The following WWOX variants were observed in gnomAD, a reference collection of about 807,000 sequenced individuals.
WWOX encodes the protein WW domain containing oxidoreductase.
In WWOX, 69 loss-of-function variants were observed where a neutral mutation model predicts 46.2. That is an observed-to-expected ratio of 1.49 (90% confidence interval 1.23 to 1.82). The LOEUF is 1.82. Ranked by LOEUF, WWOX falls within the 40% of genes most tolerant of loss-of-function variation. The pLI is 0.00. For missense variants in WWOX, 919 were observed against 542.6 expected, an observed-to-expected ratio of 1.69 and a Z score of -6.89; for synonymous variants, 359 against 202.6, an observed-to-expected ratio of 1.77 and a Z score of -6.56.
intron 8 of WWOX, among the ~76,000 whole-genome samples, chr16:78,564,596 T>C (rs1221247155): frequency 6.6e-6 from 1 of 152,160 alleles, no homozygotes; most frequent in East Asian, 1.9e-4. Flanking sequence ...AGATCATTTC[T>C]CCTAAGCAAT....
rs143106754 is a variant in WWOX, at chr16:78,999,188, C to T, written c.1057-212420C>T. Among the ~76,000 whole-genome samples, 1,310 of 151,496 alleles carry T rather than the reference C, an allele frequency of 8.6e-3. 21 individuals are homozygous for T. Among genetic ancestry groups the T allele is most frequent in the African/African-American group, 0.03 (1,226 of 41,278 alleles). The stretch of plus-strand genomic sequence containing the variant: ...TGGATTCTTCTAAGGATGGCTGCAT[C>T]AGCCAGGGGCAGCGGGTCATACCTG... On this transcript the variant is annotated intron_variant, in intron 8 of 8. Coordinates refer to ENST00000566780, the MANE Select transcript of WWOX (RefSeq NM_016373.4).
intron 8 of WWOX, among the ~76,000 whole-genome samples, chr16:78,758,529 G>A (rs529410877): frequency 1.3e-5 from 2 of 152,216 alleles, no homozygotes; most frequent in African/African-American, 4.8e-5. Context: ...TGCCAGTGTC[G>A]TAACGCCACT....
intron 8 of WWOX, among the ~76,000 whole-genome samples, chr16:78,454,303 C>G (rs2083759816): frequency 1.3e-5 from 2 of 152,018 alleles, no homozygotes; most frequent in Non-Finnish European, 2.9e-5. Flanking sequence ...CTTTTTTGGA[C>G]CACTATCTAA....
intron 8 of WWOX, among the ~76,000 whole-genome samples, chr16:78,900,467 C>G (rs886091082): frequency 1.3e-5 from 2 of 152,168 alleles, no homozygotes; most frequent in African/African-American, 4.8e-5. Context: ...ATTCATGAAA[C>G]AGTGAAGATC....
At chr16:78,453,091 G>T (rs1567582219) in intron 8 of WWOX, among the ~76,000 whole-genome samples, 2 of 151,956 alleles carry the variant, frequency 1.3e-5, no homozygotes, top group African/African-American at 4.8e-5. Flanking sequence ...ATGTTGGCCA[G>T]GCTGCAGCTA....
At chr16:78,991,599 T>TGAAAAAAA (rs2046887998) in intron 8 of WWOX, among the ~76,000 whole-genome samples, 1 of 4,842 alleles carries the variant, frequency 2.1e-4, no homozygotes, top group Non-Finnish European at 5.4e-4. Flanking sequence ...AGACCTTGTC[T>TGAAAAAAA]CAAAAAAAAA....
At chr16:79,107,095 G>A (rs1212522330) in intron 8 of WWOX, among the ~76,000 whole-genome samples, 4 of 151,948 alleles carry the variant, frequency 2.6e-5, no homozygotes, top group African/African-American at 4.8e-5. Context: ...ACAGGCATGG[G>A]CCACCGCTCC....
At chr16:78,593,838 G>A (rs1346620047) in intron 8 of WWOX, among the ~76,000 whole-genome samples, 5 of 152,078 alleles carry the variant, frequency 3.3e-5, no homozygotes, top group African/African-American at 9.7e-5. Context: ...GGACATACGA[G>A]GAGTCCCTGG....
At chr16:78,609,285 T>C (rs1301531666) in intron 8 of WWOX, among the ~76,000 whole-genome samples, 1 of 152,204 alleles carries the variant, frequency 6.6e-6, no homozygotes, top group Non-Finnish European at 1.5e-5. Flanking sequence ...GTTCTGGTTT[T>C]TGTTTTTTAA....
chr16:79,168,081 A>G (rs9972757), intron 8 of WWOX, among the ~76,000 whole-genome samples: 6,054 of 152,242 alleles, frequency 0.04, 416 homozygotes, highest in African/African-American at 0.14. Flanking sequence ...TTATGGCTGC[A>G]TAGTATTCCA....
intron 8 of WWOX, among the ~76,000 whole-genome samples, chr16:79,173,595 T>C (rs1435425763): frequency 6.6e-6 from 1 of 151,154 alleles, no homozygotes; most frequent in Non-Finnish European, 1.5e-5. Flanking sequence ...CCACTGGAAA[T>C]AACTATTTCC....
chr16:78,302,972 C>T (rs1284091107), intron 5 of WWOX, among the ~76,000 whole-genome samples: 1 of 152,160 alleles, frequency 6.6e-6, no homozygotes, highest in Non-Finnish European at 1.5e-5. Flanking sequence ...ATCATCAGAC[C>T]CAGAGCCTTT....
intron 5 of WWOX, among the ~76,000 whole-genome samples, chr16:78,276,606 G>A (rs1315834030): frequency 6.6e-6 from 1 of 152,178 alleles, no homozygotes; most frequent in Non-Finnish European, 1.5e-5. Flanking sequence ...AATAAACTCT[G>A]GCTCTGCAGC....
At chr16:79,155,282 A>G (rs2150739213) in intron 8 of WWOX, among the ~76,000 whole-genome samples, 1 of 152,238 alleles carries the variant, frequency 6.6e-6, no homozygotes, top group South Asian at 2.1e-4. Flanking sequence ...AGGCCGAGGC[A>G]GGAGAATCAC....
chr16:79,192,314 TTC>T lies in WWOX; in HGVS notation c.1057-19293_1057-19292del, dbSNP rs2051152499. Reference sequence around the variant, plus strand: ...ATTTTCGCAGTGATTCATTCATTCATTCATTCATTCATTCATTCATTCATCCA... The same window carrying T: ...ATTTTCGCAGTGATTCATTCATTCATATTCATTCATTCATTCATTCATCCA... On this transcript the variant is annotated intron_variant, in intron 8 of 8. Transcript: ENST00000566780. 5.5e-5 allele frequency among the ~76,000 whole-genome samples: 3 copies of T among 54,622 alleles called. No individual in the cohort carries two copies. In the South Asian group the frequency reaches 1.3e-3, roughly 24 times the overall value. The allele number at this position is 54,622 out of a possible 152,430, so 35.8% of individuals were successfully genotyped here.
intron 8 of WWOX, among the ~76,000 whole-genome samples, chr16:78,675,423 T>G (rs1392931551): frequency 6.6e-6 from 1 of 152,222 alleles, no homozygotes; most frequent in African/African-American, 2.4e-5. Context: ...CTTTAAATAT[T>G]TAATCTAATT....
At chr16:78,898,048 A>T (rs893056764) in intron 8 of WWOX, 1 of 151,910 alleles carries the variant, frequency 6.6e-6, no homozygotes, top group African/African-American at 2.4e-5. Flanking sequence ...TTCTATATAT[A>T]TTTTGGATAC....
intron 8 of WWOX, among the ~76,000 whole-genome samples, chr16:78,473,225 G>A (rs562743321): frequency 2.7e-4 from 41 of 152,254 alleles, no homozygotes; most frequent in African/African-American, 6.5e-4. Flanking sequence ...CATCTCCCAC[G>A]TTCAAGCGAT....
At chr16:78,416,829 G>T (rs143272922) in intron 6 of WWOX, among the ~76,000 whole-genome samples, 258 of 152,320 alleles carry the variant, frequency 1.7e-3, no homozygotes, top group African/African-American at 5.8e-3. Context: ...AGATACTGGG[G>T]CTTTACTTCT....
Sources: gnomAD v4.1 joint callset for allele counts (sites outside exome capture counted in the v4.1 genomes callset) on GRCh38, gnomAD v4.1.1 for gene constraint, MANE v1.5 for transcripts, NCBI Gene and HGNC (gene_info 2026-07-23, HGNC 2026-07-21) for gene names.